The following RWDD2B variants were observed in gnomAD, a reference collection of about 807,000 sequenced individuals.
RWDD2B encodes the protein RWD domain containing 2B.
A neutral mutation model predicts 33.6 loss-of-function variants in RWDD2B; 36 were observed. The ratio of observed to expected loss-of-function variants is 1.07; its 90% CI spans 0.82 to 1.42. The LOEUF (loss-of-function observed/expected upper bound fraction) is 1.42, where lower values mean the gene tolerates loss of function less well. Among genes scored for constraint, RWDD2B ranks in the 40% most tolerant of loss-of-function variants. The pLI is 0.00. For synonymous variants in RWDD2B, 126 were observed against 133.1 expected (o/e 0.95, Z 0.37); for missense variants, 364 against 377.5 (o/e 0.96, Z 0.30).
At position 29,006,406 on chromosome 21, in the gene RWDD2B, T is replaced by C. The variant is rs372951000; in HGVS notation, c.*11A>G. The C allele has an allele frequency of 6.6e-6, 10 of 1,525,532 alleles. No individual in the cohort carries two copies. In the East Asian group the frequency reaches 1.4e-4, roughly 21 times the overall value. 94.5% of individuals were successfully genotyped at this position (1,525,532 alleles called of 1,614,324 possible). A position where few individuals can be genotyped will look rare whatever the true frequency, so the allele number is the denominator to read the frequency against. ...CCAACAGTGGCAAGATACTTTCAAC[T>C]ACTCTTGATGTCATTGTCCTTCTAC... is the stretch of plus-strand genomic sequence containing the variant. On this transcript the variant is annotated 3_prime_UTR_variant, in exon 5 of 5. Coordinates refer to ENST00000493196, the MANE Select transcript of RWDD2B (RefSeq NM_016940.3).
intron 1 of RWDD2B, among the ~76,000 whole-genome samples, chr21:29,016,455 A>C (rs2084890642): frequency 6.6e-6 from 1 of 151,996 alleles, no homozygotes; most frequent in African/African-American, 2.4e-5. Flanking sequence ...GTAGAGATGG[A>C]GTTACACCAT....
chr21:29,011,531 G>A (rs2084859337), intron 1 of RWDD2B, among the ~76,000 whole-genome samples: 1 of 143,802 alleles, frequency 7.0e-6, no homozygotes, highest in Non-Finnish European at 1.5e-5. Flanking sequence ...CGTCCGGAAG[G>A]GAGGTGGGGG....
intron 1 of RWDD2B, among the ~76,000 whole-genome samples, chr21:29,013,962 C>T (rs961671841): frequency 1.2e-4 from 19 of 152,064 alleles, no homozygotes; most frequent in Admixed American, 6.6e-5. Flanking sequence ...TCCAAATTCT[C>T]GAGCCCCATA....
intron 4 of RWDD2B, among the ~76,000 whole-genome samples, 177 bp downstream of exon 4, chr21:29,007,584 G>A (rs555482331): frequency 6.6e-6 from 1 of 152,262 alleles, no homozygotes; most frequent in South Asian, 2.1e-4. Flanking sequence ...ATATTCAATA[G>A]TGGGAAGATC....
chr21:29,013,047 CTTTTT>C (rs552941963), intron 1 of RWDD2B, among the ~76,000 whole-genome samples: 1 of 139,168 alleles, frequency 7.2e-6, no homozygotes, highest in African/African-American at 2.7e-5. Context: ...TCCTAATACT[CTTTTT>C]TTTTTTTTTT....
At chr21:29,008,182 G>C in intron 3 of RWDD2B, 58 bp downstream of exon 3, 1 of 1,608,662 alleles carries the variant, frequency 6.2e-7, no homozygotes, top group Non-Finnish European at 8.5e-7. Context: ...TTCGAGAATT[G>C]CTTTTATTCT....
Position 29,006,581 on chromosome 21 carries a change from CATTTGTACCATCAA to C in RWDD2B, c.782_795del (p.Phe261Ter). 6.2e-7 allele frequency: 1 copy of C among 1,613,924 alleles called. No individual in the cohort carries two copies. Among genetic ancestry groups the C allele is most frequent in the African/African-American group, 1.3e-5 (1 of 75,034 alleles). The stretch of plus-strand genomic sequence containing the variant: ...AATTTCCTTTGTCTTTCCGTTTCAT[CATTTGTACCATCAA>C]AAGGAATGTCTTCTCGATGGCGAAT... On this transcript the variant is annotated frameshift_variant, in exon 5 of 5. Coordinates refer to ENST00000493196, the MANE Select transcript of RWDD2B (RefSeq NM_016940.3). LOFTEE classifies it high-confidence loss of function.
At position 29,005,711 on chromosome 21, in the gene RWDD2B, C is replaced by G. The variant is rs1283400205; in HGVS notation, c.*706G>C. 6.6e-6 allele frequency: 1 copy of G among 152,158 alleles called. No individual in the cohort carries two copies. The highest frequency in any genetic ancestry group is 2.4e-5 in the African/African-American group (1 of 41,390). The allele number at this position is 152,158 out of a possible 1,614,324, so 9.4% of individuals were successfully genotyped here. Reference sequence around the variant, plus strand: ...GGAGGTTGCACCATTGCACTCTAGCCCGGGCGACAGAGCAAGACTCCGTCT... The same window carrying G: ...GGAGGTTGCACCATTGCACTCTAGCGCGGGCGACAGAGCAAGACTCCGTCT... On this transcript the variant is annotated 3_prime_UTR_variant, in exon 5 of 5. Coordinates refer to ENST00000493196, the MANE Select transcript of RWDD2B (RefSeq NM_016940.3).
intron 1 of RWDD2B, among the ~76,000 whole-genome samples, chr21:29,012,089 G>A (rs1352335996): frequency 1.5e-4 from 22 of 143,080 alleles, no homozygotes; most frequent in South Asian, 1.4e-3. Flanking sequence ...CCCTCTGCCC[G>A]GCCAGCCGCC....
chr21:29,006,896 G>A (rs1219158113), intron 4 of RWDD2B, among the ~76,000 whole-genome samples: 1 of 152,168 alleles, frequency 6.6e-6, no homozygotes, highest in South Asian at 2.1e-4. Context: ...TTACAGGTGT[G>A]AGTCATACAC....
intron 1 of RWDD2B, among the ~76,000 whole-genome samples, chr21:29,009,392 GTT>G (rs11317441): frequency 1.5e-3 from 179 of 116,136 alleles, no homozygotes; most frequent in South Asian, 0.011. Flanking sequence ...GCATTTATTA[GTT>G]TTTTTTTTTT....
In RWDD2B at chr21:29,010,643, C is replaced by T. The variant is rs568814729; in HGVS notation, c.68-2022G>A. Among the ~76,000 whole-genome samples, 20 of 145,602 alleles carry T rather than the reference C, an allele frequency of 1.4e-4. 1 individual carries two copies. In the South Asian group the frequency reaches 4.1e-3, roughly 30 times the overall value. ...AATAAAAAAAAAAAACCAAAAAAAA[C>T]CCTCTCCCTCTCCCTCTCCCGTCTC... On this transcript the variant is annotated intron_variant, in intron 1 of 4. Transcript: ENST00000493196.
At chr21:29,014,125 G>C (rs1430811523) in intron 1 of RWDD2B, among the ~76,000 whole-genome samples, 1 of 152,198 alleles carries the variant, frequency 6.6e-6, no homozygotes, top group Non-Finnish European at 1.5e-5. Context: ...CAAGAGAATG[G>C]TGCCTGCATT....
chr21:29,017,309 A>G (rs749114198), intron 1 of RWDD2B, among the ~76,000 whole-genome samples: 6 of 152,144 alleles, frequency 3.9e-5, no homozygotes, highest in Non-Finnish European at 5.9e-5. Context: ...TGACATCAAA[A>G]ACAAATTTAT....
intron 1 of RWDD2B, among the ~76,000 whole-genome samples, chr21:29,013,811 C>T (rs1601023593): frequency 6.6e-6 from 1 of 151,804 alleles, no homozygotes. Flanking sequence ...ATATGCCATA[C>T]CATACTACTG....
At chr21:29,009,209 T>G (rs1336734332) in intron 1 of RWDD2B, among the ~76,000 whole-genome samples, 1 of 152,062 alleles carries the variant, frequency 6.6e-6, no homozygotes, top group Non-Finnish European at 1.5e-5. Context: ...CACCTCAGAC[T>G]TCTGAGTAGC....
At chr21:29,017,849 G>C (rs552231587) in intron 1 of RWDD2B, among the ~76,000 whole-genome samples, 1 of 152,282 alleles carries the variant, frequency 6.6e-6, no homozygotes, top group South Asian at 2.1e-4. Flanking sequence ...ATATTCAAAG[G>C]CCTTGAGGAA....
chr21:29,011,920 C>T (rs547376376), intron 1 of RWDD2B, among the ~76,000 whole-genome samples: 8 of 123,448 alleles, frequency 6.5e-5, no homozygotes, highest in African/African-American at 1.9e-4. Flanking sequence ...CCTGGCCAGC[C>T]GCCCCATCCG....
At chr21:29,014,923 T>A (rs2084882427) in intron 1 of RWDD2B, among the ~76,000 whole-genome samples, 1 of 152,156 alleles carries the variant, frequency 6.6e-6, no homozygotes, top group Non-Finnish European at 1.5e-5. Context: ...AGAGAACCTA[T>A]TTTAACCATT....
Sources: allele counts gnomAD v4.1 joint callset (sites outside exome capture counted in the v4.1 genomes callset), GRCh38; gene constraint gnomAD v4.1.1; transcripts MANE v1.5; gene names NCBI Gene and HGNC (gene_info 2026-07-23, HGNC 2026-07-21).